Variants in RANBP2 observed in about 807,000 individuals in gnomAD.
RANBP2 encodes RAN binding protein 2.
RANBP2 carries 57 observed loss-of-function variants against 303.6 expected under a neutral mutation model. The observed-to-expected ratio is 0.19, with a 90% CI of 0.15 to 0.23. The LOEUF (loss-of-function observed/expected upper bound fraction) is 0.23. Among genes scored for constraint, RANBP2 ranks in the 10% least tolerant of loss-of-function variants. The pLI, the probability that RANBP2 is intolerant of heterozygous loss-of-function variation, is 1.00. For synonymous variants in RANBP2, 1,167 were observed against 1,301.5 expected (o/e 0.90, Z 2.23); for missense variants, 3,138 against 3,780.8 (o/e 0.83, Z 4.46).
At chr2:109,007,675 G>A in the RANBP2 span, among the ~76,000 whole-genome samples, 16 of 152,218 alleles carry the variant, frequency 1.1e-4, no homozygotes, top group Non-Finnish European at 1.6e-4. Context: ...ATCTTCAGAA[G>A]CATGGGCCCT....
the RANBP2 span, among the ~76,000 whole-genome samples, chr2:109,249,529 T>C: frequency 2.3e-5 from 3 of 131,930 alleles, no homozygotes; most frequent in African/African-American, 6.0e-5. Flanking sequence ...TTTTCTTTCT[T>C]TCTTTCCTTC....
the RANBP2 span, among the ~76,000 whole-genome samples, chr2:109,570,398 C>T: frequency 6.6e-6 from 1 of 152,124 alleles, no homozygotes; most frequent in Non-Finnish European, 1.5e-5. Flanking sequence ...TCTGCATCCA[C>T]AGATTCAACC....
chr2:109,690,319 C>T, the RANBP2 span, among the ~76,000 whole-genome samples: 2 of 152,190 alleles, frequency 1.3e-5, no homozygotes, highest in African/African-American at 4.8e-5. Context: ...GGCGGGACAA[C>T]TCAAAGTTGT....
At chr2:109,511,839 A>G in the RANBP2 span, among the ~76,000 whole-genome samples, 1 of 152,134 alleles carries the variant, frequency 6.6e-6, no homozygotes, top group Admixed American at 6.5e-5. Flanking sequence ...GAGAGAGGTG[A>G]GGTCCTGCAT....
At chr2:109,064,712 C>T in the RANBP2 span, among the ~76,000 whole-genome samples, 3 of 152,050 alleles carry the variant, frequency 2.0e-5, no homozygotes, top group Admixed American at 6.5e-5. Flanking sequence ...CTGAGTAAAA[C>T]CTTCTGGTGT....
At chr2:109,721,952 G>C in the RANBP2 span, among the ~76,000 whole-genome samples, 76 of 152,350 alleles carry the variant, frequency 5.0e-4, 1 homozygote, top group East Asian at 0.014. Context: ...GCAGCCAGCT[G>C]GCTCATTTAG....
chr2:108,793,507 G>A, the RANBP2 span, among the ~76,000 whole-genome samples: 7 of 152,150 alleles, frequency 4.6e-5, no homozygotes, highest in African/African-American at 1.7e-4. Flanking sequence ...AAACAATTTG[G>A]CATCACTAGT....
chr2:109,400,791 T>C, the RANBP2 span, among the ~76,000 whole-genome samples: 1 of 152,210 alleles, frequency 6.6e-6, no homozygotes, highest in East Asian at 1.9e-4. Context: ...GCTGTAACCG[T>C]GCAGTCATCT....
the RANBP2 span, among the ~76,000 whole-genome samples, chr2:109,054,673 C>T: frequency 6.7e-6 from 1 of 148,298 alleles, no homozygotes; most frequent in Non-Finnish European, 1.5e-5. Context: ...GCACTGCAGC[C>T]TGGCAACAGT....
chr2:109,585,650 C>T, the RANBP2 span: 1 of 1,017,160 alleles, frequency 9.8e-7, no homozygotes, highest in Non-Finnish European at 1.6e-6. Flanking sequence ...CATTGTTCTG[C>T]CCATGACAAG....
the RANBP2 span, chr2:109,129,402 A>G: frequency 2.9e-6 from 4 of 1,395,192 alleles, no homozygotes; most frequent in Admixed American, 2.1e-5. Flanking sequence ...CCACAGCCCT[A>G]GCATCGGGCC....
chr2:109,322,914 CTTTTCCCTG>C, the RANBP2 span, among the ~76,000 whole-genome samples: 5 of 152,180 alleles, frequency 3.3e-5, no homozygotes, highest in African/African-American at 1.2e-4. Context: ...CAAGAGGTGG[CTTTTCCCTG>C]GCTAGATTGG....
At chr2:108,882,671 G>A in the RANBP2 span, 1 of 152,102 alleles carries the variant, frequency 6.6e-6, no homozygotes, top group Non-Finnish European at 1.5e-5. Flanking sequence ...TCCTTTTCAG[G>A]TCATCCTCCA....
the RANBP2 span, among the ~76,000 whole-genome samples, chr2:109,637,065 G>A: frequency 6.6e-6 from 1 of 151,122 alleles, no homozygotes; most frequent in Non-Finnish European, 1.5e-5. Flanking sequence ...GTAGTAGGAG[G>A]GCAGGGTGAT....
At chr2:109,490,532 T>G in the RANBP2 span, 1 of 1,218,086 alleles carries the variant, frequency 8.2e-7, no homozygotes. Context: ...GGAAGATGCA[T>G]TCCCCTCTCT....
the RANBP2 span, among the ~76,000 whole-genome samples, chr2:109,599,193 C>T: frequency 6.6e-6 from 1 of 152,090 alleles, no homozygotes; most frequent in South Asian, 2.1e-4. Context: ...CGCGGTGGCT[C>T]ACACCTGTAA....
At chr2:109,421,181 A>G in the RANBP2 span, among the ~76,000 whole-genome samples, 2 of 152,198 alleles carry the variant, frequency 1.3e-5, no homozygotes, top group Non-Finnish European at 2.9e-5. Context: ...GAGGAAAGAA[A>G]CCTGCACCCA....
chr2:109,760,560 G>A, the RANBP2 span, among the ~76,000 whole-genome samples: 1 of 142,662 alleles, frequency 7.0e-6, no homozygotes, highest in Non-Finnish European at 1.5e-5. Context: ...CCGGAGTCGG[G>A]GGCGGGGGGC....
At chr2:108,962,476 A>T in the RANBP2 span, among the ~76,000 whole-genome samples, 1 of 152,016 alleles carries the variant, frequency 6.6e-6, no homozygotes, top group East Asian at 1.9e-4. Context: ...GATCGAGACC[A>T]TCCTGGCGAA....
Sources: allele counts gnomAD v4.1 joint callset (sites outside exome capture counted in the v4.1 genomes callset), GRCh38; gene constraint gnomAD v4.1.1; transcripts MANE v1.5; gene names NCBI Gene and HGNC (gene_info 2026-07-23, HGNC 2026-07-21).